FSTL4: variants seen among roughly 807,000 people sequenced by gnomAD.
FSTL4 encodes the protein follistatin like 4.
In FSTL4, 28 loss-of-function variants were observed where a neutral mutation model predicts 78.2. The ratio of observed to expected loss-of-function variants is 0.36; its 90% confidence interval spans 0.27 to 0.49. The LOEUF is 0.49. Among genes scored for constraint, FSTL4 ranks in the 20% least tolerant of loss-of-function variants. FSTL4 has a pLI of 0.98. For missense variants in FSTL4, 922 were observed against 1,084.9 expected, an observed-to-expected ratio of 0.85 and a Z score of 2.11; for synonymous variants, 422 against 440.5, an observed-to-expected ratio of 0.96 and a Z score of 0.53.
At chr5:133,733,174 GTCTTC>G in the FSTL4 span, among the ~76,000 whole-genome samples, 2 of 152,138 alleles carry the variant, frequency 1.3e-5, no homozygotes, top group Non-Finnish European at 2.9e-5. Context: ...TCATTCTGTT[GTCTTC>G]ACTCACATGT....
chr5:133,801,112 C>T, the FSTL4 span, among the ~76,000 whole-genome samples: 5 of 152,272 alleles, frequency 3.3e-5, no homozygotes, highest in Admixed American at 6.5e-5. Flanking sequence ...GTTGCTTCTC[C>T]TCTCACCGAC....
At chr5:133,632,778 TG>T in the FSTL4 span, among the ~76,000 whole-genome samples, 11,354 of 152,202 alleles carry the variant, frequency 0.075, 439 homozygotes, top group South Asian at 0.17. Flanking sequence ...CTCAACCTCC[TG>T]GGGCTTAAGC....
intron 6 of FSTL4, among the ~76,000 whole-genome samples, chr5:133,289,788 A>T (rs1753216408): frequency 6.6e-6 from 1 of 152,222 alleles, no homozygotes; most frequent in East Asian, 1.9e-4. Context: ...TGATGGTACC[A>T]TGTCTCAGTG....
chr5:133,646,861 T>C, the FSTL4 span, among the ~76,000 whole-genome samples: 15 of 151,182 alleles, frequency 9.9e-5, no homozygotes, highest in Middle Eastern at 6.8e-3. Context: ...TTTACATTTG[T>C]TATCAAAGTC....
chr5:133,636,515 C>T, the FSTL4 span, among the ~76,000 whole-genome samples: 1 of 152,200 alleles, frequency 6.6e-6, no homozygotes, highest in African/African-American at 2.4e-5. Context: ...TGACCTGGCT[C>T]TTCCACCTAT....
intron 3 of FSTL4, among the ~76,000 whole-genome samples, chr5:133,556,493 A>C (rs1007735001): frequency 6.6e-6 from 1 of 152,176 alleles, no homozygotes; most frequent in African/African-American, 2.4e-5. Flanking sequence ...TGGGAGGCTG[A>C]GGCAGGTGGA....
chr5:133,714,364 GA>G, the FSTL4 span, among the ~76,000 whole-genome samples: 2 of 152,100 alleles, frequency 1.3e-5, no homozygotes, highest in Non-Finnish European at 2.9e-5. Flanking sequence ...ACAAATGTGA[GA>G]GCTCAAATGC....
At chr5:133,596,052 A>G (rs1403386065) in intron 2 of FSTL4, among the ~76,000 whole-genome samples, 1 of 152,214 alleles carries the variant, frequency 6.6e-6, no homozygotes, top group Admixed American at 6.5e-5. Flanking sequence ...AACATGAAAC[A>G]CACAAGGTGA....
intron 3 of FSTL4, among the ~76,000 whole-genome samples, chr5:133,521,710 G>A (rs918103064): frequency 4.6e-5 from 7 of 151,994 alleles, no homozygotes; most frequent in African/African-American, 1.5e-4. Context: ...TCCCAGAGAC[G>A]AACCCTATTA....
chr5:133,630,718 T>C, the FSTL4 span, among the ~76,000 whole-genome samples: 5 of 152,194 alleles, frequency 3.3e-5, no homozygotes, highest in African/African-American at 1.2e-4. Context: ...GCTGGAGGCA[T>C]CACGCTACCT....
In FSTL4 at chr5:133,316,518, G is replaced by C; in HGVS notation, c.544C>G (p.Leu182Val). 1 of 1,614,182 alleles carries C rather than the reference G, an allele frequency of 6.2e-7. No individual in the cohort carries two copies. Among genetic ancestry groups the C allele is most frequent in the Non-Finnish European group, 8.5e-7 (1 of 1,180,024 alleles). ...ASQKRLLVES[L>V]FRDLDADGNG... The stretch of plus-strand genomic sequence containing the variant: ...CCATCTGCATCTAAGTCCCTGAACA[G>C]AGATTCCACCAGGAGGCGCTTCTGG... Residue 182 changes from leucine to valine, a missense_variant, in exon 5 of 16, where the codon CTG becomes GTG. Coordinates refer to ENST00000265342, the MANE Select transcript of FSTL4 (RefSeq NM_015082.2).
At chr5:133,520,059 AT>A (rs1039767841) in intron 3 of FSTL4, among the ~76,000 whole-genome samples, 2 of 152,110 alleles carry the variant, frequency 1.3e-5, no homozygotes, top group African/African-American at 4.8e-5. Flanking sequence ...GGGTTTCCGT[AT>A]TTCTTTTCTC....
At chr5:133,751,556 T>A in the FSTL4 span, among the ~76,000 whole-genome samples, 1 of 152,198 alleles carries the variant, frequency 6.6e-6, no homozygotes, top group Non-Finnish European at 1.5e-5. Context: ...TCTAGCCATA[T>A]TGAACAGCCA....
intron 13 of FSTL4, among the ~76,000 whole-genome samples, chr5:133,210,519 T>G (rs562184673): frequency 9.2e-5 from 14 of 151,678 alleles, no homozygotes; most frequent in African/African-American, 2.9e-4. Flanking sequence ...TGAGACGGAG[T>G]CTTGCTCTTG....
intron 3 of FSTL4, among the ~76,000 whole-genome samples, chr5:133,545,663 C>T (rs1369769295): frequency 6.6e-6 from 1 of 152,126 alleles, no homozygotes; most frequent in Non-Finnish European, 1.5e-5. Flanking sequence ...ATACAAATAC[C>T]TGAAAATGTT....
At chr5:133,396,114 C>A (rs1295911140) in intron 4 of FSTL4, among the ~76,000 whole-genome samples, 1 of 152,196 alleles carries the variant, frequency 6.6e-6, no homozygotes, top group Non-Finnish European at 1.5e-5. Flanking sequence ...GGACCCACCA[C>A]CCCTGACCTC....
chr5:133,333,975 G>A (rs1754405564), intron 4 of FSTL4: 1 of 152,256 alleles, frequency 6.6e-6, no homozygotes, highest in South Asian at 2.1e-4. Context: ...TGAGGCATTG[G>A]AAGGGCCAGG....
intron 1 of FSTL4, among the ~76,000 whole-genome samples, chr5:133,604,918 A>G (rs1561484527): frequency 6.6e-6 from 1 of 152,220 alleles, no homozygotes; most frequent in East Asian, 1.9e-4. Context: ...GGCTCACTTG[A>G]TAACATTACT....
At chr5:133,522,366 G>A (rs999799301) in intron 3 of FSTL4, among the ~76,000 whole-genome samples, 12 of 152,096 alleles carry the variant, frequency 7.9e-5, no homozygotes, top group African/African-American at 2.4e-4. Flanking sequence ...TTCCTTTAAC[G>A]ACCCTAGAAG....
Sources: gnomAD v4.1 joint callset for allele counts (sites outside exome capture counted in the v4.1 genomes callset) on GRCh38, gnomAD v4.1.1 for gene constraint, MANE v1.5 for transcripts, NCBI Gene and HGNC (gene_info 2026-07-23, HGNC 2026-07-21) for gene names.